Variants in LINGO2 observed in about 807,000 individuals in gnomAD.
LINGO2 encodes the protein leucine rich repeat and Ig domain containing 2.
Under a neutral mutation model 30.6 loss-of-function variants are expected in LINGO2, and 14 were observed. The observed-to-expected ratio is 0.46, with a 90% CI of 0.30 to 0.72. The LOEUF (loss-of-function observed/expected upper bound fraction) is 0.72, where lower values mean the gene tolerates loss of function less well. LINGO2 is among the 30% of genes least tolerant of loss of function. The pLI is 0.07. For missense variants in LINGO2, 729 were observed against 751.7 expected (o/e 0.97, Z 0.35); for synonymous variants, 317 against 288.5 (o/e 1.10, Z -1.00).
At chr9:28,708,608 G>A in the LINGO2 span, among the ~76,000 whole-genome samples, 2 of 152,102 alleles carry the variant, frequency 1.3e-5, no homozygotes, top group Non-Finnish European at 2.9e-5. Context: ...ACAGTTCAGT[G>A]TGAAACAATG....
intron 2 of LINGO2, among the ~76,000 whole-genome samples, chr9:28,420,056 A>G (rs1298625864): frequency 6.6e-6 from 1 of 152,124 alleles, no homozygotes; most frequent in African/African-American, 2.4e-5. Flanking sequence ...CATTGCCTCA[A>G]CTGAGGAAGA....
chr9:28,927,118 C>A, the LINGO2 span, among the ~76,000 whole-genome samples: 5 of 152,176 alleles, frequency 3.3e-5, no homozygotes, highest in African/African-American at 9.7e-5. Flanking sequence ...GAGAACATAT[C>A]TTTTTGGCTT....
At chr9:28,027,700 TA>T (rs1195779836) in intron 4 of LINGO2, among the ~76,000 whole-genome samples, 1 of 152,140 alleles carries the variant, frequency 6.6e-6, no homozygotes, top group African/African-American at 2.4e-5. Flanking sequence ...CTGGCAGGAT[TA>T]AATGCGAGGT....
At chr9:28,784,725 G>A in the LINGO2 span, among the ~76,000 whole-genome samples, 1 of 152,132 alleles carries the variant, frequency 6.6e-6, no homozygotes, top group African/African-American at 2.4e-5. Context: ...AGGCCGAGGT[G>A]CGTGGATCAT....
the LINGO2 span, among the ~76,000 whole-genome samples, chr9:28,955,773 G>T: frequency 0.16 from 24,318 of 151,970 alleles, 1,980 homozygotes; most frequent in South Asian, 0.2. Flanking sequence ...GATATGTTCA[G>T]ATTCTTAAAT....
At chr9:28,911,291 T>A in the LINGO2 span, among the ~76,000 whole-genome samples, 3 of 151,302 alleles carry the variant, frequency 2.0e-5, no homozygotes, top group African/African-American at 7.3e-5. Context: ...ACATTCAATC[T>A]TATTTTAGAA....
chr9:28,540,980 GC>G (rs1245205438), intron 1 of LINGO2, among the ~76,000 whole-genome samples: 2 of 152,100 alleles, frequency 1.3e-5, no homozygotes, highest in African/African-American at 4.8e-5. Flanking sequence ...CCTATCTAAA[GC>G]CCAGGTCCAC....
the LINGO2 span, among the ~76,000 whole-genome samples, chr9:28,988,285 T>A: frequency 6.6e-6 from 1 of 152,192 alleles, no homozygotes. Flanking sequence ...ATATAATAGC[T>A]TTCTTGGTCT....
At chr9:29,161,165 A>G in the LINGO2 span, among the ~76,000 whole-genome samples, 68,549 of 152,074 alleles carry the variant, frequency 0.45, 15,504 homozygotes, top group African/African-American at 0.51. Context: ...TGTGGGGACC[A>G]CAGGAGGCAC....
At chr9:28,364,854 C>T (rs545133770) in intron 3 of LINGO2, among the ~76,000 whole-genome samples, 1 of 152,298 alleles carries the variant, frequency 6.6e-6, no homozygotes, top group East Asian at 1.9e-4. Flanking sequence ...AAAAGGCACA[C>T]ACTATGGCCT....
chr9:29,029,770 ACT>A, the LINGO2 span, among the ~76,000 whole-genome samples: 1 of 151,816 alleles, frequency 6.6e-6, no homozygotes, highest in Non-Finnish European at 1.5e-5. Flanking sequence ...AAGCAGCAAG[ACT>A]CTCCTCTCTT....
chr9:28,352,153 C>T (rs1191773670), intron 3 of LINGO2, among the ~76,000 whole-genome samples: 1 of 151,466 alleles, frequency 6.6e-6, no homozygotes, highest in African/African-American at 2.4e-5. Flanking sequence ...CTGGCCAGGG[C>T]TATTAGGCAG....
At chr9:28,729,849 G>T in the LINGO2 span, among the ~76,000 whole-genome samples, 1 of 151,456 alleles carries the variant, frequency 6.6e-6, no homozygotes, top group African/African-American at 2.4e-5. Context: ...GATGACTAGG[G>T]GTCCAAAAAG....
the LINGO2 span, among the ~76,000 whole-genome samples, chr9:28,764,539 A>G: frequency 1.3e-5 from 2 of 151,972 alleles, no homozygotes; most frequent in Non-Finnish European, 1.5e-5. Flanking sequence ...GCCCACATCT[A>G]ATAGGATAAT....
the LINGO2 span, among the ~76,000 whole-genome samples, chr9:28,867,396 A>T: frequency 6.6e-6 from 1 of 152,054 alleles, no homozygotes; most frequent in African/African-American, 2.4e-5. Flanking sequence ...AAGTCAGGGT[A>T]TAAAAGCAAG....
the LINGO2 span, among the ~76,000 whole-genome samples, chr9:28,804,832 T>C: frequency 2.0e-5 from 3 of 152,088 alleles, no homozygotes; most frequent in African/African-American, 7.2e-5. Context: ...TTTCAGAAAT[T>C]ACAGTAACAT....
upstream of LINGO2, among the ~76,000 whole-genome samples, chr9:28,671,513 C>CAAAAAAA (rs11286682): frequency 7.6e-5 from 8 of 105,618 alleles, no homozygotes; most frequent in East Asian, 6.2e-4. Flanking sequence ...TTATCTTAAG[C>CAAAAAAA]AAAAAAAAAA....
the LINGO2 span, among the ~76,000 whole-genome samples, chr9:28,683,132 T>G: frequency 6.6e-6 from 1 of 152,318 alleles, no homozygotes; most frequent in South Asian, 2.1e-4. Context: ...GTTTTCTTAA[T>G]GTACCCAAAT....
intron 1 of LINGO2, among the ~76,000 whole-genome samples, chr9:28,624,086 AT>A (rs1826539317): frequency 6.6e-6 from 1 of 151,992 alleles, no homozygotes; most frequent in Non-Finnish European, 1.5e-5. Flanking sequence ...GAGTCTTTAG[AT>A]TTTTCTAAAT....
Sources: gnomAD v4.1 joint callset for allele counts (sites outside exome capture counted in the v4.1 genomes callset) on GRCh38, gnomAD v4.1.1 for gene constraint, MANE v1.5 for transcripts, NCBI Gene and HGNC (gene_info 2026-07-23, HGNC 2026-07-21) for gene names.